Variants in KBTBD11 observed in about 807,000 individuals in gnomAD.
KBTBD11 encodes the protein kelch repeat and BTB domain containing 11.
For missense variants in KBTBD11, 1,390 were observed against 1,001.8 expected (o/e 1.39, Z -5.23); for synonymous variants, 747 against 499.0 (o/e 1.50, Z -6.63).
chr8:1,974,772 C>G, intron 1 of KBTBD11: 2 of 904,276 alleles, frequency 2.2e-6, no homozygotes, highest in South Asian at 5.1e-5. Context: ...CAAAGTCCCT[C>G]CACCTCTTTA....
intron 1 of KBTBD11, among the ~76,000 whole-genome samples, chr8:1,990,472 G>A (rs1348854794): frequency 8.4e-6 from 1 of 119,364 alleles, no homozygotes; most frequent in African/African-American, 3.2e-5. Flanking sequence ...CCGGGTAGAT[G>A]CTGCTGGGAC....
At position 2,001,631 on chromosome 8, in the gene KBTBD11, T is replaced by G. The variant is rs1029688607; in HGVS notation, c.439T>G (p.Ser147Ala). Reference protein sequence around the residue: ...YGEPDLVLEVSGRRLRAHKAV... With the variant: ...YGEPDLVLEVAGRRLRAHKAV... ...GGAGCCGGACCTGGTGCTGGAGGTG[T>G]CGGGGCGCCGGCTGCGCGCGCACAA... The change falls in exon 2 of 2, where the codon TCG (serine) becomes GCG (alanine). Residue 147 changes from serine to alanine, a missense_variant. By Grantham distance (99) the Ser-to-Ala change is moderately conservative. Coordinates refer to ENST00000320248, the MANE Select transcript of KBTBD11 (RefSeq NM_014867.3). 6.8e-7 allele frequency: 1 copy of G among 1,478,808 alleles called. No individual in the cohort carries two copies. The allele number at this position is 1,478,808 out of a possible 1,614,324, so 91.6% of individuals were successfully genotyped here.
intron 1 of KBTBD11, among the ~76,000 whole-genome samples, chr8:1,997,465 T>C (rs1817185478): frequency 1.3e-5 from 2 of 151,732 alleles, no homozygotes; most frequent in Non-Finnish European, 2.9e-5. Context: ...GAAAAGGGCC[T>C]CCTGCTTAAC....
chr8:1,974,573 C>A, intron 1 of KBTBD11: 1 of 985,140 alleles, frequency 1.0e-6, no homozygotes, highest in East Asian at 1.1e-4. Context: ...GTCCTGGCTG[C>A]TGACCCCCGC....
chr8:2,001,936 G>T lies in KBTBD11; in HGVS notation c.744G>T (p.Leu248=). 1 of 1,472,258 alleles carries T rather than the reference G, an allele frequency of 6.8e-7. No individual in the cohort carries two copies. Among genetic ancestry groups the T allele is most frequent in the Non-Finnish European group, 9.0e-7 (1 of 1,108,550 alleles). The allele number at this position is 1,472,258 out of a possible 1,614,324, so 91.2% of individuals were successfully genotyped here. A position where few individuals can be genotyped will look rare whatever the true frequency, so the allele number is the denominator to read the frequency against. Residue 248 remains leucine (L), a synonymous_variant, in exon 2 of 2, where the codon CTG becomes CTT. Coordinates refer to ENST00000320248, the MANE Select transcript of KBTBD11 (RefSeq NM_014867.3). Reference sequence around the variant, plus strand: ...TGAGCGCGGCCAAGCGGCAGCGGCTGAACGAGCTGCGCGACGCCGCCTACT... The same window carrying T: ...TGAGCGCGGCCAAGCGGCAGCGGCTTAACGAGCTGCGCGACGCCGCCTACT... ...EVLSAAKRQR[L]NELRDAAYCF... is the part of the protein sequence containing the mutation.
At chr8:1,981,689 T>C (rs1319719633) in intron 1 of KBTBD11, among the ~76,000 whole-genome samples, 1 of 152,158 alleles carries the variant, frequency 6.6e-6, no homozygotes, top group African/African-American at 2.4e-5. Context: ...AAATTCTTTC[T>C]CTGCCTCTCC....
At chr8:1,998,126 C>T (rs1429432077) in intron 1 of KBTBD11, among the ~76,000 whole-genome samples, 2 of 152,188 alleles carry the variant, frequency 1.3e-5, no homozygotes, top group Non-Finnish European at 2.9e-5. Flanking sequence ...ACATAATGCT[C>T]ATTGGATCCT....
rs59934216 is a variant in KBTBD11, at chr8:1,987,007, C to CAAAA, written c.-909+13095_-909+13098dup. Among the ~76,000 whole-genome samples, 74 of 62,034 alleles carry CAAAA rather than the reference C, an allele frequency of 1.2e-3. 12 individuals carry two copies. Among genetic ancestry groups the CAAAA allele is most frequent in the African/African-American group, 6.4e-3 (67 of 10,546 alleles). The allele number at this position is 62,034 out of a possible 152,430, so 40.7% of individuals were successfully genotyped here. ...GCAACATAGTGAGACCCTATCTCTC[C>CAAAA]AAAAAAAAAAAAAAAAAAAAAAAAA... On this transcript the variant is annotated intron_variant, in intron 1 of 1. Coordinates refer to ENST00000320248, the MANE Select transcript of KBTBD11 (RefSeq NM_014867.3).
intron 1 of KBTBD11, among the ~76,000 whole-genome samples, chr8:1,976,798 G>A (rs1816361464): frequency 6.6e-6 from 1 of 152,246 alleles, no homozygotes; most frequent in South Asian, 2.1e-4. Context: ...CGAGAACTAA[G>A]GGATGAGAGG....
chr8:1,980,216 C>G (rs1010901311), intron 1 of KBTBD11, among the ~76,000 whole-genome samples: 1 of 143,922 alleles, frequency 6.9e-6, no homozygotes, highest in Non-Finnish European at 1.5e-5. Context: ...ATGTGAAATA[C>G]TGATAATCAA....
chr8:2,002,444 G>A lies in KBTBD11; in HGVS notation c.1252G>A (p.Gly418Ser). 6.6e-7 allele frequency: 1 copy of A among 1,505,564 alleles called. No homozygotes were observed. The highest frequency in any genetic ancestry group is 2.7e-5 in the East Asian group (1 of 37,602). The allele number at this position is 1,505,564 out of a possible 1,614,324, so 93.3% of individuals were successfully genotyped here. The change falls in exon 2 of 2, where the codon GGC becomes AGC. Residue 418 changes from glycine to serine, a missense_variant. Gly to Ser is a moderately conservative substitution (Grantham distance 56). Coordinates refer to ENST00000320248, the MANE Select transcript of KBTBD11 (RefSeq NM_014867.3). The surrounding 1 kb of genome is among the most constrained non-coding windows in gnomAD (Gnocchi z 4.1). ...LALDGHLYAV[G>S]GECLLSVERY... ...CCTGGACGGTCACCTCTACGCCGTG[G>A]GCGGCGAGTGCCTGCTCAGCGTGGA...
chr8:1,993,540 C>T (rs1022145780), intron 1 of KBTBD11, among the ~76,000 whole-genome samples: 16 of 94,996 alleles, frequency 1.7e-4, no homozygotes, highest in African/African-American at 2.6e-4. Context: ...CACCCACCCA[C>T]CCACCCACCC....
rs558599577 is a variant in KBTBD11, at chr8:1,977,235, G to A, written c.-909+3300G>A. Reference sequence around the variant, plus strand: ...GAGTTTCATATGGATTAATTTTGTAGCATGGAGACTTCCCGAGTCCTAAAG... The same window carrying A: ...GAGTTTCATATGGATTAATTTTGTAACATGGAGACTTCCCGAGTCCTAAAG... On this transcript the variant is annotated intron_variant, in intron 1 of 1. Transcript: ENST00000320248. 2.6e-5 allele frequency among the ~76,000 whole-genome samples: 4 copies of A among 152,266 alleles called. No individual in the cohort carries two copies. The East Asian group carries it at 7.7e-4, about 29-fold the overall frequency.
At chr8:1,976,339 G>A (rs976979281) in intron 1 of KBTBD11, 7 of 152,014 alleles carry the variant, frequency 4.6e-5, no homozygotes, top group Non-Finnish European at 1.0e-4. Flanking sequence ...TATAGTGTTG[G>A]TATCCAGCAC....
In KBTBD11 at chr8:2,002,623, C is replaced by G. The variant is rs754923503; in HGVS notation, c.1431C>G (p.Arg477=). Residue 477 remains arginine, a synonymous_variant, in exon 2 of 2, where the codon CGC becomes CGG. Coordinates refer to ENST00000320248, the MANE Select transcript of KBTBD11 (RefSeq NM_014867.3). The surrounding 1 kb of genome is among the most constrained non-coding windows in gnomAD (Gnocchi z 4.1). The part of the protein sequence containing the change: ...FYRLLKYDPR[R]DEWQECPCSS... ...GCCTGCTCAAGTATGACCCGCGGCG[C>G]GACGAGTGGCAGGAGTGCCCGTGCA... The G allele has an allele frequency of 4.4e-6, 7 of 1,583,370 alleles. No homozygotes were observed. The highest frequency in any genetic ancestry group is 6.0e-6 in the Non-Finnish European group (7 of 1,173,558).
At chr8:1,992,219 G>A (rs563227326) in intron 1 of KBTBD11, among the ~76,000 whole-genome samples, 4 of 152,206 alleles carry the variant, frequency 2.6e-5, no homozygotes, top group South Asian at 2.1e-4. Flanking sequence ...CCCTGAGCCC[G>A]GGTTTTCTCA....
Position 2,002,355 on chromosome 8 carries a change from C to T in KBTBD11, c.1163C>T (p.Ala388Val). ...PSDQVFCYNP[A>V]TDSWSAVRPL... ...GACCAGGTCTTCTGCTACAACCCGG[C>T]CACGGACAGCTGGAGCGCCGTGAGG... The change falls in exon 2 of 2, where the codon GCC becomes GTC. Residue 388 changes from alanine to valine, a missense_variant. By Grantham distance (64) the Ala-to-Val change is moderately conservative (BLOSUM62 0). Coordinates refer to ENST00000320248, the MANE Select transcript of KBTBD11 (RefSeq NM_014867.3). This position sits in a 1 kb window ranked among gnomAD's most constrained non-coding sequence, Gnocchi z 4.1. 4 of 1,470,468 alleles carry T rather than the reference C, an allele frequency of 2.7e-6. No individual in the cohort carries two copies. Among genetic ancestry groups the T allele is most frequent in the Admixed American group, 2.3e-5 (1 of 42,658 alleles). The allele number at this position is 1,470,468 out of a possible 1,614,324, so 91.1% of individuals were successfully genotyped here. A position where few individuals can be genotyped will look rare whatever the true frequency, so the allele number is the denominator to read the frequency against.
intron 1 of KBTBD11, among the ~76,000 whole-genome samples, chr8:1,989,276 C>T (rs6558571): frequency 0.02 from 3,068 of 152,318 alleles, 107 homozygotes; most frequent in African/African-American, 0.067. Flanking sequence ...AAGATTTGTA[C>T]TCCTCTGAAT....
intron 1 of KBTBD11, among the ~76,000 whole-genome samples, chr8:1,993,374 C>T (rs1273310587): frequency 4.0e-5 from 5 of 125,246 alleles, no homozygotes; most frequent in South Asian, 3.0e-4. Flanking sequence ...TCCGTCCGTC[C>T]GTCCGTCCGT....
Sources: gnomAD v4.1 joint callset for allele counts (sites outside exome capture counted in the v4.1 genomes callset) on GRCh38, gnomAD v4.1.1 for gene constraint, Gnocchi (gnomAD v3.1) non-coding constraint, MANE v1.5 for transcripts, NCBI Gene and HGNC (gene_info 2026-07-23, HGNC 2026-07-21) for gene names.